GLCE: variants seen among roughly 807,000 people sequenced by gnomAD.
The protein encoded by GLCE is glucuronic acid epimerase.
Under a neutral mutation model 47.9 loss-of-function variants are expected in GLCE, and 19 were observed. That is an observed-to-expected ratio of 0.40 (90% confidence interval 0.28 to 0.58). GLCE has a LOEUF of 0.58. Among genes scored for constraint, GLCE ranks in the 20% least tolerant of loss-of-function variants. GLCE has a pLI of 0.48. For missense variants in GLCE, 556 were observed against 743.3 expected, an observed-to-expected ratio of 0.75 and a Z score of 2.93; for synonymous variants, 245 against 263.4, an observed-to-expected ratio of 0.93 and a Z score of 0.68.
intron 1 of GLCE, among the ~76,000 whole-genome samples, chr15:69,191,641 T>C (rs752340419): frequency 6.6e-6 from 1 of 152,184 alleles, no homozygotes; most frequent in Non-Finnish European, 1.5e-5. Flanking sequence ...CTGCCTAGCA[T>C]GTAGCAAAAT....
chr15:69,232,730 A>T (rs1310138032), intron 2 of GLCE, among the ~76,000 whole-genome samples: 1 of 152,204 alleles, frequency 6.6e-6, no homozygotes, highest in Admixed American at 6.5e-5. Context: ...ATATTCACAT[A>T]ATTTGTTTAT....
At chr15:69,221,020 T>C (rs961076533) in intron 2 of GLCE, among the ~76,000 whole-genome samples, 7 of 152,262 alleles carry the variant, frequency 4.6e-5, no homozygotes, top group African/African-American at 1.4e-4. Flanking sequence ...AAGACTGTGC[T>C]TTTATTCCCC....
chr15:69,168,521 C>T (rs1479190806), intron 1 of GLCE, among the ~76,000 whole-genome samples: 2 of 144,330 alleles, frequency 1.4e-5, no homozygotes, highest in East Asian at 4.1e-4. Flanking sequence ...GAGGAACTTT[C>T]CATTCCATCT....
chr15:69,200,697 T>C (rs2140362944), intron 1 of GLCE, among the ~76,000 whole-genome samples: 1 of 152,166 alleles, frequency 6.6e-6, no homozygotes, highest in African/African-American at 2.4e-5. Flanking sequence ...TATATTTGGG[T>C]TGCTAGAGTA....
chr15:69,256,689 A>G (rs924279644), intron 3 of GLCE, among the ~76,000 whole-genome samples: 1 of 152,198 alleles, frequency 6.6e-6, no homozygotes, highest in Non-Finnish European at 1.5e-5. Context: ...TTGCGTTAAA[A>G]TATATAGCTA....
chr15:69,217,087 A>T (rs1042171364), intron 2 of GLCE, among the ~76,000 whole-genome samples: 1 of 152,066 alleles, frequency 6.6e-6, no homozygotes, highest in Non-Finnish European at 1.5e-5. Context: ...CAGTGTTGTT[A>T]TTATGATGAT....
intron 2 of GLCE, among the ~76,000 whole-genome samples, chr15:69,239,176 T>A (rs750327283): frequency 1.6e-5 from 2 of 125,930 alleles, no homozygotes; most frequent in South Asian, 5.6e-4. Context: ...TGACTAAGAT[T>A]TGACTAATGA....
chr15:69,209,956 G>A (rs2052207538), intron 1 of GLCE, among the ~76,000 whole-genome samples: 1 of 152,030 alleles, frequency 6.6e-6, no homozygotes, highest in Admixed American at 6.6e-5. Context: ...GGGCTTGAGA[G>A]AGTGAAGAGA....
chr15:69,254,757 A>G lies in GLCE; in HGVS notation c.-13-1037A>G, dbSNP rs139233580. Reference sequence around the variant, plus strand: ...ATTTCAGAAATCTATTTGACCTCCAAATAAAGATATATGTATTGGATATAC... The same window carrying G: ...ATTTCAGAAATCTATTTGACCTCCAGATAAAGATATATGTATTGGATATAC... On this transcript the variant is annotated intron_variant, in intron 2 of 4. Coordinates refer to ENST00000261858, the MANE Select transcript of GLCE (RefSeq NM_015554.3). Among the ~76,000 whole-genome samples the G allele has an allele frequency of 2.4e-3, 361 of 152,296 alleles. 2 individuals are homozygous for G. Among genetic ancestry groups the G allele is most frequent in the African/African-American group, 8.5e-3 (352 of 41,562 alleles).
intron 1 of GLCE, among the ~76,000 whole-genome samples, chr15:69,164,528 C>T (rs7182924): frequency 0.73 from 109,915 of 149,590 alleles, 40,645 homozygotes; most frequent in Admixed American, 0.78. Flanking sequence ...TATACATATG[C>T]CATATATGTA....
At chr15:69,176,216 G>GT (rs35017106) in intron 1 of GLCE, among the ~76,000 whole-genome samples, 7,680 of 62,894 alleles carry the variant, frequency 0.12, 1,672 homozygotes, top group African/African-American at 0.21. Flanking sequence ...GTGGAACCTT[G>GT]TTTTTTTTTT....
chr15:69,251,185 T>C (rs1376067502), intron 2 of GLCE, among the ~76,000 whole-genome samples: 1 of 152,196 alleles, frequency 6.6e-6, no homozygotes, highest in Admixed American at 6.5e-5. Context: ...TTGTATTTCC[T>C]GTTAACCAGA....
At chr15:69,181,415 A>G (rs1457008434) in intron 1 of GLCE, among the ~76,000 whole-genome samples, 1 of 152,212 alleles carries the variant, frequency 6.6e-6, no homozygotes, top group Non-Finnish European at 1.5e-5. Context: ...AAGTTTGGGA[A>G]ATGAAGAACT....
At chr15:69,263,183 T>A (rs1312504318) in intron 4 of GLCE, among the ~76,000 whole-genome samples, 1 of 152,056 alleles carries the variant, frequency 6.6e-6, no homozygotes, top group Non-Finnish European at 1.5e-5. Flanking sequence ...TATAAGAGTA[T>A]GAGAGAAGGT....
intron 2 of GLCE, among the ~76,000 whole-genome samples, chr15:69,217,402 A>G (rs1017710492): frequency 6.6e-6 from 1 of 151,110 alleles, no homozygotes; most frequent in Non-Finnish European, 1.5e-5. Flanking sequence ...CTATATATAC[A>G]TATATTATAA....
In GLCE at chr15:69,269,041, T is replaced by C; in HGVS notation, c.1651T>C (p.Leu551=). 1 of 1,614,196 alleles carries C rather than the reference T, an allele frequency of 6.2e-7. No homozygotes were observed. The highest frequency in any genetic ancestry group is 8.5e-7 in the Non-Finnish European group (1 of 1,179,994). Residue 551 remains leucine (L), a synonymous_variant, in exon 5 of 5, where the codon TTG becomes CTG. Transcript: ENST00000261858. ...GMESLKAMLP[L]YDTGSGTIYD... ...GGAATCTCTTAAAGCCATGCTGCCCTTGTATGACACTGGCTCAGGAACCAT... is the reference window on the plus strand; with the variant it reads ...GGAATCTCTTAAAGCCATGCTGCCCCTGTATGACACTGGCTCAGGAACCAT...
chr15:69,201,653 A>C (rs897966952), intron 1 of GLCE, among the ~76,000 whole-genome samples: 7 of 148,188 alleles, frequency 4.7e-5, no homozygotes, highest in African/African-American at 1.5e-4. Flanking sequence ...CTGTTAACAA[A>C]GGCTTACTTT....
chr15:69,184,464 C>A (rs890630815), intron 1 of GLCE, among the ~76,000 whole-genome samples: 4 of 152,086 alleles, frequency 2.6e-5, no homozygotes, highest in Non-Finnish European at 5.9e-5. Context: ...TTTAAATTAC[C>A]CACTAATAGA....
intron 2 of GLCE, among the ~76,000 whole-genome samples, chr15:69,238,130 A>G (rs1411546297): frequency 6.6e-6 from 1 of 152,216 alleles, no homozygotes; most frequent in Non-Finnish European, 1.5e-5. Flanking sequence ...TGCTAGAGAA[A>G]AGTAAGCTGA....
Sources: gnomAD v4.1 joint callset for allele counts (sites outside exome capture counted in the v4.1 genomes callset) on GRCh38, gnomAD v4.1.1 for gene constraint, MANE v1.5 for transcripts, NCBI Gene and HGNC (gene_info 2026-07-23, HGNC 2026-07-21) for gene names.